The following C12orf42 variants were observed in gnomAD, a reference collection of about 807,000 sequenced individuals.
C12orf42 encodes the protein uncharacterized protein C12orf42.
C12orf42 carries 25 observed loss-of-function variants against 21.6 expected under a neutral mutation model. That is an observed-to-expected ratio of 1.16 (90% CI 0.84 to 1.62). The LOEUF (loss-of-function observed/expected upper bound fraction) is 1.62, where lower values mean the gene tolerates loss of function less well. C12orf42 is among the 40% of genes most tolerant of loss of function. The pLI is 0.00. For missense variants in C12orf42, 483 were observed against 459.3 expected, an observed-to-expected ratio of 1.05 and a Z score of -0.47; for synonymous variants, 174 against 175.0, an observed-to-expected ratio of 0.99 and a Z score of 0.05.
At chr12:103,229,818 A>T in the C12orf42 span, among the ~76,000 whole-genome samples, 1 of 152,232 alleles carries the variant, frequency 6.6e-6, no homozygotes, top group Non-Finnish European at 1.5e-5. Context: ...ATGCTAATGC[A>T]TATAGCTACA....
the C12orf42 span, among the ~76,000 whole-genome samples, chr12:103,094,755 G>GA: frequency 1.9e-4 from 29 of 152,050 alleles, no homozygotes; most frequent in East Asian, 7.7e-4. Context: ...ACATTTGTTG[G>GA]AAAAAAGATT....
intron 2 of C12orf42, among the ~76,000 whole-genome samples, chr12:103,449,342 A>G (rs1000898180): frequency 6.6e-6 from 1 of 151,896 alleles, no homozygotes; most frequent in Admixed American, 6.6e-5. Flanking sequence ...CTTGGGGGGA[A>G]GGTTGGGAGA....
At chr12:103,154,724 G>A in the C12orf42 span, among the ~76,000 whole-genome samples, 1 of 151,780 alleles carries the variant, frequency 6.6e-6, no homozygotes, top group African/African-American at 2.4e-5. Flanking sequence ...AGTTTTATGA[G>A]GGGAAAAAAG....
intron 4 of C12orf42, among the ~76,000 whole-genome samples, chr12:103,323,205 C>T (rs546153181): frequency 6.6e-6 from 1 of 152,284 alleles, no homozygotes; most frequent in African/African-American, 2.4e-5. Context: ...TGCTGTATGA[C>T]TCCTAAATGC....
At chr12:103,187,161 G>A in the C12orf42 span, among the ~76,000 whole-genome samples, 1 of 152,070 alleles carries the variant, frequency 6.6e-6, no homozygotes, top group Non-Finnish European at 1.5e-5. Context: ...GATTTGTTTT[G>A]CCTTAGCAAG....
intron 10 of C12orf42, among the ~76,000 whole-genome samples, chr12:103,240,224 C>T (rs1320732511): frequency 6.6e-6 from 1 of 152,130 alleles, no homozygotes; most frequent in African/African-American, 2.4e-5. Flanking sequence ...ATGAGTCAAT[C>T]ATAGAGATCC....
intron 2 of C12orf42, among the ~76,000 whole-genome samples, chr12:103,439,360 G>A (rs1174833853): frequency 6.6e-6 from 1 of 151,808 alleles, no homozygotes; most frequent in East Asian, 1.9e-4. Flanking sequence ...AGGACTTCAT[G>A]TCCGAAACAC....
chr12:103,434,424 C>T (rs914712404), intron 2 of C12orf42, among the ~76,000 whole-genome samples: 15 of 150,970 alleles, frequency 9.9e-5, no homozygotes, highest in African/African-American at 2.7e-4. Flanking sequence ...GGAACAGCTC[C>T]GGTCTACAGC....
At chr12:103,154,357 T>C in the C12orf42 span, among the ~76,000 whole-genome samples, 1 of 152,142 alleles carries the variant, frequency 6.6e-6, no homozygotes, top group Non-Finnish European at 1.5e-5. Context: ...AAAGTAAAAC[T>C]TAAAAACGAG....
intron 3 of C12orf42, among the ~76,000 whole-genome samples, chr12:103,380,021 G>A (rs543608036): frequency 2.6e-5 from 4 of 152,228 alleles, no homozygotes; most frequent in Admixed American, 6.5e-5. Flanking sequence ...GAGGCCTTAC[G>A]TAAGTGTATC....
At chr12:103,399,632 T>C (rs2047824329) in intron 3 of C12orf42, among the ~76,000 whole-genome samples, 1 of 152,118 alleles carries the variant, frequency 6.6e-6, no homozygotes, top group Non-Finnish European at 1.5e-5. Context: ...ACAAAGCAGT[T>C]TCCTGGAACT....
At chr12:103,246,267 A>G (rs1316760896) in intron 10 of C12orf42, among the ~76,000 whole-genome samples, 1 of 152,068 alleles carries the variant, frequency 6.6e-6, no homozygotes, top group East Asian at 1.9e-4. Context: ...ATGCCATGTC[A>G]TTGAGAATAT....
At chr12:103,130,866 G>C in the C12orf42 span, among the ~76,000 whole-genome samples, 4 of 152,298 alleles carry the variant, frequency 2.6e-5, no homozygotes, top group Admixed American at 1.3e-4. Flanking sequence ...AAGAAAACCT[G>C]AGTAGGTTGT....
At chr12:103,544,075 T>C in the C12orf42 span, among the ~76,000 whole-genome samples, 2 of 151,712 alleles carry the variant, frequency 1.3e-5, no homozygotes, top group African/African-American at 2.4e-5. Flanking sequence ...GTTTTTATAT[T>C]TTTTTTAGTA....
chr12:103,175,361 C>T, the C12orf42 span, among the ~76,000 whole-genome samples: 1 of 152,148 alleles, frequency 6.6e-6, no homozygotes, highest in South Asian at 2.1e-4. Flanking sequence ...CATTCACGGA[C>T]AAACCTACTA....
intron 3 of C12orf42, among the ~76,000 whole-genome samples, chr12:103,386,594 A>T (rs942518464): frequency 6.6e-6 from 1 of 152,202 alleles, no homozygotes; most frequent in African/African-American, 2.4e-5. Flanking sequence ...TTTTGATCTC[A>T]GGCATAGAGT....
chr12:103,429,896 T>C (rs995799489), intron 2 of C12orf42, among the ~76,000 whole-genome samples: 5 of 152,096 alleles, frequency 3.3e-5, no homozygotes, highest in African/African-American at 1.2e-4. Flanking sequence ...ATAAATGGTG[T>C]TGGGAAAACC....
At chr12:103,214,700 C>T in the C12orf42 span, among the ~76,000 whole-genome samples, 3 of 152,140 alleles carry the variant, frequency 2.0e-5, no homozygotes, top group Non-Finnish European at 4.4e-5. Flanking sequence ...GTGGAAATAA[C>T]GGTCATAGTT....
At position 103,258,565 on chromosome 12, in the gene C12orf42, G is replaced by T. The variant is rs116656701; in HGVS notation, c.*1366+4761C>A. Among the ~76,000 whole-genome samples, 925 of 151,432 alleles carry T rather than the reference G, an allele frequency of 6.1e-3. 13 individuals carry two copies. The highest frequency in any genetic ancestry group is 0.021 in the African/African-American group (883 of 41,388). On this transcript the variant is annotated intron_variant and NMD_transcript_variant, in intron 10 of 10. Coordinates refer to the C12orf42 transcript ENST00000547347. ...AATATATAGAGAAATCAAAAAATAA[G>T]AATAAAATATTATAATTCAGATATG... is the stretch of plus-strand genomic sequence containing the variant.
Sources: allele counts gnomAD v4.1 joint callset (sites outside exome capture counted in the v4.1 genomes callset), GRCh38; gene constraint gnomAD v4.1.1; transcripts MANE v1.5; gene names NCBI Gene and HGNC (gene_info 2026-07-23, HGNC 2026-07-21).